ATP6V1C2: variants seen among roughly 807,000 people sequenced by gnomAD.
ATP6V1C2 encodes the protein V-type proton ATPase subunit C 2.
ATP6V1C2 carries 45 observed loss-of-function variants against 56.8 expected under a neutral mutation model. The ratio of observed to expected loss-of-function variants is 0.79; its 90% CI spans 0.62 to 1.02. ATP6V1C2 has a LOEUF of 1.02. Ranked by LOEUF, ATP6V1C2 falls within the 50% of genes least tolerant of loss-of-function variation. The pLI, the probability that ATP6V1C2 is intolerant of heterozygous loss-of-function variation, is 0.00. For missense variants in ATP6V1C2, 463 were observed against 519.7 expected, an observed-to-expected ratio of 0.89 and a Z score of 1.06; for synonymous variants, 220 against 201.3, an observed-to-expected ratio of 1.09 and a Z score of -0.79.
intron 3 of ATP6V1C2, among the ~76,000 whole-genome samples, chr2:10,747,441 T>G (rs1194297714): frequency 6.6e-6 from 1 of 152,208 alleles, no homozygotes; most frequent in East Asian, 1.9e-4. Context: ...CTAAAAACTT[T>G]AGGGTGTATT....
rs57191070 is a variant in ATP6V1C2 at position 10,757,003 on chromosome 2, CTTTTTTTTTT to C, written c.283+2957_283+2966del. 1.1e-4 allele frequency among the ~76,000 whole-genome samples: 9 copies of C among 81,572 alleles called. No individual in the cohort carries two copies. The South Asian group carries it at 1.2e-3, about 11-fold the overall frequency. The allele number at this position is 81,572 out of a possible 152,430, so 53.5% of individuals were successfully genotyped here. A position where few individuals can be genotyped will look rare whatever the true frequency, so the allele number is the denominator to read the frequency against. On this transcript the variant is annotated intron_variant, in intron 4 of 13. Coordinates refer to ENST00000272238, the MANE Select transcript of ATP6V1C2 (RefSeq NM_001039362.2). Reference sequence around the variant, plus strand: ...TTTCCCTCTTGAAAACATGAGGAGACTTTTTTTTTTTTTTTTTTTTTTTTTTTTTGAGACA... The same window carrying C: ...TTTCCCTCTTGAAAACATGAGGAGACTTTTTTTTTTTTTTTTTTTGAGACA...
rs908940031 is a variant in ATP6V1C2 at position 10,784,517 on chromosome 2, C to T, written c.*1254C>T. ...GGAAAAGCTCAGAACTCAGGTGAAA[C>T]ATTTCAACATCACATCACTCACCAT... On this transcript the variant is annotated 3_prime_UTR_variant, in exon 14 of 14. Coordinates refer to ENST00000272238, the MANE Select transcript of ATP6V1C2 (RefSeq NM_001039362.2). 4 of 545,836 alleles carry T rather than the reference C, an allele frequency of 7.3e-6. No individual in the cohort carries two copies. The highest frequency in any genetic ancestry group is 1.3e-5 in the Non-Finnish European group (4 of 311,510). 33.8% of individuals were successfully genotyped at this position (545,836 alleles called of 1,614,324 possible).
chr2:10,778,305 CA>C (rs1412044161), intron 11 of ATP6V1C2, among the ~76,000 whole-genome samples: 3 of 152,348 alleles, frequency 2.0e-5, no homozygotes, highest in Admixed American at 2.0e-4. Context: ...GCCCCAAGGT[CA>C]GGGGCTGCCC....
intron 4 of ATP6V1C2, among the ~76,000 whole-genome samples, chr2:10,760,894 C>T (rs1663868353): frequency 6.6e-6 from 1 of 152,156 alleles, no homozygotes; most frequent in South Asian, 2.1e-4. Flanking sequence ...TCTTCCAAGC[C>T]ACGTAGACAG....
Position 10,771,918 on chromosome 2 carries a change from C to T in ATP6V1C2, c.550C>T (p.Leu184Phe). The T allele has an allele frequency of 1.9e-6, 3 of 1,614,074 alleles. No homozygotes were observed. The highest frequency in any genetic ancestry group is 2.5e-6 in the Non-Finnish European group (3 of 1,179,944). Reference protein sequence around the residue: ...FVLDSEYLVTLLVIVPKPNYS... With the variant: ...FVLDSEYLVTFLVIVPKPNYS... ...GCTGGATTCTGAATATCTCGTCACA[C>T]TTCTGGTCATCGTCCCCAAGTGAGT... The change falls in exon 7 of 14, where the codon CTT (leucine) becomes TTT (phenylalanine). Residue 184 changes from leucine to phenylalanine, a missense_variant. Coordinates refer to ENST00000272238, the MANE Select transcript of ATP6V1C2 (RefSeq NM_001039362.2).
chr2:10,745,239 T>C (rs555570772), intron 3 of ATP6V1C2, among the ~76,000 whole-genome samples: 7 of 151,772 alleles, frequency 4.6e-5, no homozygotes, highest in Admixed American at 4.6e-4. Flanking sequence ...GGTTTCACCA[T>C]GTTGGCCAGG....
intron 8 of ATP6V1C2, among the ~76,000 whole-genome samples, chr2:10,773,004 G>A (rs1036029097): frequency 2.0e-5 from 3 of 152,228 alleles, no homozygotes; most frequent in Non-Finnish European, 4.4e-5. Context: ...GGGAGGGAAA[G>A]CGGCCTCAGC....
intron 8 of ATP6V1C2, among the ~76,000 whole-genome samples, 170 bp downstream of exon 8, chr2:10,772,780 C>T (rs1004537634): frequency 1.3e-5 from 2 of 152,230 alleles, no homozygotes; most frequent in African/African-American, 4.8e-5. Context: ...CACCTTGTCA[C>T]ATGCCAGAGT....
intron 12 of ATP6V1C2, among the ~76,000 whole-genome samples, chr2:10,779,687 G>GAAA (rs555256673): frequency 1.9e-5 from 1 of 52,096 alleles, no homozygotes. Context: ...TCCGGCTATA[G>GAAA]AAAAAAAAAA....
At chr2:10,721,275 C>T (rs1384673805), upstream of ATP6V1C2, among the ~76,000 whole-genome samples, 2 of 150,270 alleles carry the variant, frequency 1.3e-5, no homozygotes, top group Admixed American at 6.6e-5. Context: ...GGTGGGCAAG[C>T]GGGGCTGCGG....
chr2:10,733,857 T>C (rs1403177650), intron 3 of ATP6V1C2, among the ~76,000 whole-genome samples: 1 of 67,794 alleles, frequency 1.5e-5, no homozygotes, highest in Non-Finnish European at 2.4e-5. Context: ...TTCCCCTGTC[T>C]ATGGAATAGC....
intron 10 of ATP6V1C2, among the ~76,000 whole-genome samples, chr2:10,776,267 G>GTT (rs1491137674): frequency 2.8e-5 from 1 of 35,236 alleles, no homozygotes; most frequent in Non-Finnish European, 6.0e-5. Context: ...GCTCACACAC[G>GTT]TGTGTGTGTG....
In ATP6V1C2 at chr2:10,744,003, AT is replaced by A. The variant is rs1323475641; in HGVS notation, c.198-9977del. On this transcript the variant is annotated intron_variant, in intron 3 of 13. Transcript: ENST00000272238. ...TCTCAAAAAAAAAAAAAAAATAATAATAATAAATAAATAAATAAATAAATAA... is the reference window on the plus strand; with the variant it reads ...TCTCAAAAAAAAAAAAAAAATAATAAAATAAATAAATAAATAAATAAATAA... Among the ~76,000 whole-genome samples the A allele has an allele frequency of 1.6e-4, 24 of 149,952 alleles. 1 individual carries two copies. The highest frequency in any genetic ancestry group is 5.4e-4 in the African/African-American group (22 of 40,944).
rs114084340 is a variant in ATP6V1C2, at chr2:10,756,943, T to A, written c.283+2877T>A. ...CACTATATGTTTATAATAAGATTTA[T>A]ATCATTTGTTATAAATATAACATAT... On this transcript the variant is annotated intron_variant, in intron 4 of 13. Coordinates refer to ENST00000272238, the MANE Select transcript of ATP6V1C2 (RefSeq NM_001039362.2). Among the ~76,000 whole-genome samples, 720 of 151,456 alleles carry A rather than the reference T, an allele frequency of 4.8e-3. 7 individuals carry two copies. The highest frequency in any genetic ancestry group is 0.017 in the African/African-American group (685 of 41,370).
chr2:10,771,697 CTG>C, intron 6 of ATP6V1C2, 140 bp from the exon 7 acceptor site: 2 of 696,922 alleles, frequency 2.9e-6, no homozygotes, highest in Non-Finnish European at 5.2e-6. Context: ...CTGAGAATTG[CTG>C]TGTTCTCCTA....
At chr2:10,748,048 C>T (rs1181545002) in intron 3 of ATP6V1C2, among the ~76,000 whole-genome samples, 1 of 152,074 alleles carries the variant, frequency 6.6e-6, no homozygotes, top group Non-Finnish European at 1.5e-5. Context: ...CAGGCATGCA[C>T]CACTACGCCC....
At chr2:10,781,409 TG>T in intron 12 of ATP6V1C2, among the ~76,000 whole-genome samples, 1 of 151,726 alleles carries the variant, frequency 6.6e-6, no homozygotes, top group South Asian at 2.1e-4. Flanking sequence ...ACCCAGGAAG[TG>T]GAGGCTGCAG....
rs539943383 is a variant in ATP6V1C2 at position 10,722,882 on chromosome 2, C to T, written c.33C>T (p.Gly11=). The change falls in exon 2 of 14, where the codon GGC becomes GGT. Residue 11 remains glycine, a synonymous_variant. Coordinates refer to ENST00000272238, the MANE Select transcript of ATP6V1C2 (RefSeq NM_001039362.2). MSEFWLISAP[G]DKENLQALER... is the part of the protein sequence containing the mutation. ...AGTTTTGGTTAATTTCTGCCCCTGG[C>T]GATAAGGAAAATTTGCAAGCTCTGG... is the stretch of plus-strand genomic sequence containing the variant. The T allele has an allele frequency of 3.7e-5, 59 of 1,613,916 alleles. 1 individual carries two copies. The highest frequency in any genetic ancestry group is 3.3e-4 in the East Asian group (15 of 44,860).
intron 3 of ATP6V1C2, among the ~76,000 whole-genome samples, chr2:10,735,161 T>A (rs1165176244): frequency 2.6e-5 from 4 of 152,236 alleles, no homozygotes; most frequent in African/African-American, 7.2e-5. Flanking sequence ...TTTACTTTTT[T>A]AAATGTGGTG....
Sources: allele counts gnomAD v4.1 joint callset (sites outside exome capture counted in the v4.1 genomes callset), GRCh38; gene constraint gnomAD v4.1.1; transcripts MANE v1.5; gene names NCBI Gene and HGNC (gene_info 2026-07-23, HGNC 2026-07-21).